The following PRKD1 variants were observed in gnomAD, a reference collection of about 807,000 sequenced individuals.
The protein encoded by PRKD1 is protein kinase D1, also known as serine/threonine-protein kinase D1.
Under a neutral mutation model 95.9 loss-of-function variants are expected in PRKD1, and 63 were observed. The ratio of observed to expected loss-of-function variants is 0.66; its 90% CI spans 0.54 to 0.81. PRKD1 has a LOEUF of 0.81. PRKD1 is among the 30% of genes least tolerant of loss of function. The probability of loss-of-function intolerance (pLI) is 0.00; values close to 1 mark genes in which losing one functional copy is unlikely to be tolerated. For synonymous variants in PRKD1, 425 were observed against 423.1 expected (o/e 1.00, Z -0.05); for missense variants, 1,048 against 1,165.3 (o/e 0.90, Z 1.47).
At chr14:29,838,169 G>A (rs1221487140) in intron 1 of PRKD1, among the ~76,000 whole-genome samples, 1 of 152,098 alleles carries the variant, frequency 6.6e-6, no homozygotes, top group Non-Finnish European at 1.5e-5. Context: ...TAGGTTTTAG[G>A]GGGATGAAAT....
chr14:29,599,779 C>A lies in PRKD1; in HGVS notation c.1944G>T (p.Met648Ile), dbSNP rs1435203998. The A allele has an allele frequency of 6.2e-7, 1 of 1,612,990 alleles. No homozygotes were observed. Among genetic ancestry groups the A allele is most frequent in the Non-Finnish European group, 8.5e-7 (1 of 1,179,584 alleles). ...CAAACACTCTTTCAGGCGTCTCAAACATACACTCCAAATTTACAACACCAG... is the reference window on the plus strand; with the variant it reads ...CAAACACTCTTTCAGGCGTCTCAAAAATACACTCCAAATTTACAACACCAG... ...HHPGVVNLECMFETPERVFVV... is the reference protein window; with the variant it reads ...HHPGVVNLECIFETPERVFVV... Residue 648 changes from methionine (M) to isoleucine (I), a missense_variant, in exon 14 of 18, where the codon ATG becomes ATT. This residue lies in a region of PRKD1 where 739 missense variants were observed against 861.9 expected (regional missense o/e 0.86). Coordinates refer to ENST00000331968, the MANE Select transcript of PRKD1 (RefSeq NM_002742.3).
chr14:29,585,571 T>A (rs966765852), intron 16 of PRKD1, among the ~76,000 whole-genome samples: 4 of 152,120 alleles, frequency 2.6e-5, no homozygotes, highest in African/African-American at 7.2e-5. Flanking sequence ...CAAAATATAT[T>A]TATATTATTC....
At chr14:29,697,523 C>T (rs1275232215) in intron 2 of PRKD1, among the ~76,000 whole-genome samples, 3 of 152,086 alleles carry the variant, frequency 2.0e-5, no homozygotes, top group Non-Finnish European at 2.9e-5. Context: ...TTTTAAATTC[C>T]ACAAAGTAGT....
chr14:29,631,831 T>G (rs1287953410), intron 9 of PRKD1, among the ~76,000 whole-genome samples: 1 of 147,342 alleles, frequency 6.8e-6, no homozygotes, highest in Admixed American at 6.9e-5. Context: ...AGACAGAGAC[T>G]TATTCTGTTG....
intron 1 of PRKD1, among the ~76,000 whole-genome samples, chr14:29,796,661 A>G (rs1594527311): frequency 2.0e-5 from 3 of 152,138 alleles, no homozygotes. Context: ...CTAGGAAGAT[A>G]CATGTCTCTA....
At chr14:29,622,295 G>T (rs963618329) in intron 13 of PRKD1, among the ~76,000 whole-genome samples, 29 of 152,062 alleles carry the variant, frequency 1.9e-4, no homozygotes, top group African/African-American at 5.6e-4. Context: ...ACAGGTCCAC[G>T]GCCTGGGGAC....
chr14:29,856,381 C>A (rs1055473034), intron 1 of PRKD1, among the ~76,000 whole-genome samples: 1 of 152,100 alleles, frequency 6.6e-6, no homozygotes, highest in South Asian at 2.1e-4. Flanking sequence ...ACTGATTGTA[C>A]AACCACAACC....
At chr14:29,826,597 A>G (rs1891132884) in intron 1 of PRKD1, among the ~76,000 whole-genome samples, 1 of 129,844 alleles carries the variant, frequency 7.7e-6, no homozygotes, top group Non-Finnish European at 1.6e-5. Flanking sequence ...ATGAAAATAT[A>G]TATACATATA....
chr14:29,747,819 C>G (rs1048835850), intron 1 of PRKD1, among the ~76,000 whole-genome samples: 1 of 152,150 alleles, frequency 6.6e-6, no homozygotes, highest in African/African-American at 2.4e-5. Flanking sequence ...TCTTGGCTTA[C>G]TGCAACCTCT....
At chr14:29,800,619 A>G (rs559814483) in intron 1 of PRKD1, among the ~76,000 whole-genome samples, 20 of 152,344 alleles carry the variant, frequency 1.3e-4, no homozygotes, top group African/African-American at 4.8e-4. Flanking sequence ...TATGAAAACT[A>G]AAAGTAAAAT....
chr14:29,680,982 C>T (rs1883509020), intron 2 of PRKD1, among the ~76,000 whole-genome samples: 2 of 152,118 alleles, frequency 1.3e-5, no homozygotes, highest in African/African-American at 4.8e-5. Context: ...CCTAAGAAAA[C>T]ACTTCTATAT....
chr14:29,626,541 ATAC>A lies in PRKD1; in HGVS notation c.1738_1740del (p.Val580del). 6.2e-7 allele frequency: 1 copy of A among 1,612,088 alleles called. No individual in the cohort carries two copies. Among genetic ancestry groups the A allele is most frequent in the Non-Finnish European group, 8.5e-7 (1 of 1,178,916 alleles). On this transcript the variant is annotated inframe_deletion, in exon 12 of 18. Coordinates refer to ENST00000331968, the MANE Select transcript of PRKD1 (RefSeq NM_002742.3). ...AGTACTTCATCAGGAAAAATCTGAT[ATAC>A]TGTGCTGATGTCCTAGAGGTACAAG...
intron 1 of PRKD1, among the ~76,000 whole-genome samples, chr14:29,754,213 C>T (rs1445537085): frequency 5.3e-5 from 8 of 152,136 alleles, no homozygotes; most frequent in Non-Finnish European, 1.0e-4. Context: ...AAGTTTCTTC[C>T]TCTATAAATT....
At chr14:29,713,813 A>G (rs569627374) in intron 2 of PRKD1, among the ~76,000 whole-genome samples, 7 of 152,146 alleles carry the variant, frequency 4.6e-5, no homozygotes, top group Non-Finnish European at 1.0e-4. Context: ...ACTTTACATC[A>G]TAACCATGAC....
At chr14:29,750,341 T>C (rs1206260892) in intron 1 of PRKD1, among the ~76,000 whole-genome samples, 2 of 152,122 alleles carry the variant, frequency 1.3e-5, no homozygotes, top group Non-Finnish European at 2.9e-5. Context: ...CTAGTTGATA[T>C]AAACAAAACT....
At chr14:29,651,965 C>T (rs537798824) in intron 4 of PRKD1, among the ~76,000 whole-genome samples, 8 of 152,236 alleles carry the variant, frequency 5.3e-5, no homozygotes, top group African/African-American at 1.4e-4. Flanking sequence ...AGGCTGGTCT[C>T]GAACTCCTGA....
chr14:29,747,119 C>T (rs1335067481), intron 1 of PRKD1, among the ~76,000 whole-genome samples: 2 of 151,992 alleles, frequency 1.3e-5, no homozygotes, highest in South Asian at 4.1e-4. Context: ...GTAATGTATA[C>T]CCCAATTACC....
chr14:29,688,583 C>A (rs1884019432), intron 2 of PRKD1, among the ~76,000 whole-genome samples: 3 of 152,066 alleles, frequency 2.0e-5, no homozygotes, highest in Non-Finnish European at 4.4e-5. Context: ...ACCATGATCC[C>A]TTTTATTCCT....
intron 16 of PRKD1, among the ~76,000 whole-genome samples, chr14:29,590,108 A>G (rs1403797781): frequency 2.0e-5 from 3 of 152,202 alleles, no homozygotes; most frequent in African/African-American, 7.2e-5. Context: ...TTGCAGTCAC[A>G]TTTTAAGTAC....
Sources: gnomAD v4.1 joint callset for allele counts (sites outside exome capture counted in the v4.1 genomes callset) on GRCh38, gnomAD v4.1.1 for gene constraint, gnomAD v4.1.1 regional missense constraint, MANE v1.5 for transcripts, NCBI Gene and HGNC (gene_info 2026-07-23, HGNC 2026-07-21) for gene names.